ARSB: variants seen among roughly 807,000 people sequenced by gnomAD.
ARSB encodes the protein N-acetylgalactosamine-4-sulfatase.
A neutral mutation model predicts 50.9 loss-of-function variants in ARSB; 41 were observed. That is an observed-to-expected ratio of 0.81 (90% CI 0.63 to 1.04). The LOEUF is 1.04. Among genes scored for constraint, ARSB ranks in the 50% least tolerant of loss-of-function variants. ARSB has a pLI of 0.00. For synonymous variants in ARSB, 269 were observed against 284.8 expected (o/e 0.94, Z 0.56); for missense variants, 672 against 693.3 (o/e 0.97, Z 0.35).
chr5:78,797,887 A>C (rs17817904), intron 6 of ARSB, among the ~76,000 whole-genome samples: 16,477 of 152,248 alleles, frequency 0.11, 992 homozygotes, highest in Middle Eastern at 0.18. Flanking sequence ...TTCTGGAAAG[A>C]AACACCATTT....
intron 4 of ARSB, among the ~76,000 whole-genome samples, chr5:78,911,690 T>C (rs936181461): frequency 6.8e-6 from 1 of 147,728 alleles, no homozygotes; most frequent in Non-Finnish European, 1.5e-5. Context: ...TGAACCTGCC[T>C]ACAAGGTGTT....
At chr5:78,816,055 G>T (rs1221614932) in intron 6 of ARSB, 1 of 1,613,830 alleles carries the variant, frequency 6.2e-7, no homozygotes, top group Non-Finnish European at 8.5e-7. Context: ...TATGCCCTGG[G>T]TTATCATCTT....
At chr5:78,919,286 C>T (rs116792169) in intron 4 of ARSB, among the ~76,000 whole-genome samples, 2,083 of 152,240 alleles carry the variant, frequency 0.014, 45 homozygotes, top group South Asian at 0.092. Context: ...CAAACATCAG[C>T]GCACTTGCAA....
chr5:78,980,725 A>AGTGTGTGTGTGTGTGT (rs1315709564), intron 1 of ARSB, among the ~76,000 whole-genome samples: 3,290 of 91,882 alleles, frequency 0.036, 109 homozygotes, highest in African/African-American at 0.094. Context: ...TGTCTAAGGA[A>AGTGTGTGTGTGTGTGT]GTGTGTGTAT....
At chr5:78,950,076 A>G (rs1259303080) in intron 4 of ARSB, among the ~76,000 whole-genome samples, 1 of 152,192 alleles carries the variant, frequency 6.6e-6, no homozygotes, top group Non-Finnish European at 1.5e-5. Flanking sequence ...ATTTTACTCC[A>G]GGTCAGATTC....
At chr5:78,939,314 G>A (rs1399840424) in intron 4 of ARSB, among the ~76,000 whole-genome samples, 4 of 151,024 alleles carry the variant, frequency 2.6e-5, no homozygotes, top group Non-Finnish European at 5.9e-5. Flanking sequence ...AAGTTCTAGG[G>A]TACATGTGCA....
intron 4 of ARSB, among the ~76,000 whole-genome samples, chr5:78,888,845 A>G (rs1748154916): frequency 6.6e-6 from 1 of 152,234 alleles, no homozygotes; most frequent in South Asian, 2.1e-4. Flanking sequence ...TGTTTTTGCA[A>G]TTAGTTCTCT....
At chr5:78,965,042 C>G (rs1471144760) in intron 2 of ARSB, among the ~76,000 whole-genome samples, 1 of 152,180 alleles carries the variant, frequency 6.6e-6, no homozygotes, top group East Asian at 1.9e-4. Context: ...AGACTGGCTT[C>G]AAGGTTATTT....
At chr5:78,943,574 AT>A (rs1393801032) in intron 4 of ARSB, among the ~76,000 whole-genome samples, 2 of 152,190 alleles carry the variant, frequency 1.3e-5, no homozygotes, top group African/African-American at 4.8e-5. Context: ...TAGGTTGAAA[AT>A]TCTTTTCTTT....
At position 78,936,308 on chromosome 5, in the gene ARSB, G is replaced by C. The variant is rs1271290182; in HGVS notation, c.898+18987C>G. Among the ~76,000 whole-genome samples, 10 of 150,958 alleles carry C rather than the reference G, an allele frequency of 6.6e-5. No homozygotes were observed. The East Asian group carries it at 2.0e-3, about 30-fold the overall frequency. On this transcript the variant is annotated intron_variant, in intron 4 of 7. Transcript: ENST00000264914. ...CTGGGTTATTTTTGTATTTTTAGTA[G>C]ACATAAGGTTTTGCCATGTTGGCCA... is the stretch of plus-strand genomic sequence containing the variant.
intron 4 of ARSB, among the ~76,000 whole-genome samples, chr5:78,953,000 T>C (rs1355142999): frequency 6.6e-6 from 1 of 152,224 alleles, no homozygotes; most frequent in Admixed American, 6.5e-5. Flanking sequence ...TGCCAGGATA[T>C]TCAAAATAAA....
intron 4 of ARSB, among the ~76,000 whole-genome samples, chr5:78,929,320 G>A (rs550901788): frequency 2.1e-4 from 32 of 152,214 alleles, no homozygotes; most frequent in African/African-American, 7.7e-4. Context: ...GTGATTTTCA[G>A]TCTAGAGGGC....
At chr5:78,892,604 T>C (rs1748367165) in intron 4 of ARSB, among the ~76,000 whole-genome samples, 1 of 152,136 alleles carries the variant, frequency 6.6e-6, no homozygotes, top group Non-Finnish European at 1.5e-5. Context: ...AACAACACAG[T>C]GAATTGTGAG....
chr5:78,876,315 G>T (rs1747479194), intron 5 of ARSB, among the ~76,000 whole-genome samples: 1 of 152,154 alleles, frequency 6.6e-6, no homozygotes, highest in Non-Finnish European at 1.5e-5. Context: ...TGAGAAATAG[G>T]CAAGAAAATA....
intron 5 of ARSB, chr5:78,883,829 G>C (rs1747874727): frequency 6.6e-6 from 1 of 152,110 alleles, no homozygotes; most frequent in Non-Finnish European, 1.5e-5. Context: ...GTTTAAACTT[G>C]AATAGCTATC....
At chr5:78,928,751 G>A (rs1428301599) in intron 4 of ARSB, among the ~76,000 whole-genome samples, 1 of 152,140 alleles carries the variant, frequency 6.6e-6, no homozygotes, top group Admixed American at 6.5e-5. Context: ...GAAATTAATT[G>A]TATTCTCTTC....
At chr5:78,781,160 C>A (rs776085584) in intron 7 of ARSB, among the ~76,000 whole-genome samples, 3 of 152,178 alleles carry the variant, frequency 2.0e-5, no homozygotes, top group Non-Finnish European at 2.9e-5. Context: ...AGCTATACCA[C>A]TGGTTGAGGG....
intron 4 of ARSB, 70 bp downstream of exon 4, chr5:78,955,225 C>T: frequency 6.6e-7 from 1 of 1,512,738 alleles, no homozygotes. Flanking sequence ...TCCAATTTGT[C>T]TTCATTCCAC....
At chr5:78,926,960 C>A (rs1371181666) in intron 4 of ARSB, among the ~76,000 whole-genome samples, 15 of 152,328 alleles carry the variant, frequency 9.8e-5, no homozygotes, top group Admixed American at 7.8e-4. Context: ...CCACTCACTG[C>A]AGCCTTGACC....
Sources: allele counts gnomAD v4.1 joint callset (sites outside exome capture counted in the v4.1 genomes callset), GRCh38; gene constraint gnomAD v4.1.1; transcripts MANE v1.5; gene names NCBI Gene and HGNC (gene_info 2026-07-23, HGNC 2026-07-21).